Variants in TULP3 observed in about 807,000 individuals in gnomAD.
TULP3 encodes the protein TUB like protein 3, also known as tubby-related protein 3.
Under a neutral mutation model 50.7 loss-of-function variants are expected in TULP3, and 38 were observed. The ratio of observed to expected loss-of-function variants is 0.75; its 90% CI spans 0.58 to 0.98. The LOEUF (loss-of-function observed/expected upper bound fraction) is 0.98. TULP3 is among the 50% of genes least tolerant of loss of function. The probability of loss-of-function intolerance (pLI) is 0.00; values close to 1 mark genes in which losing one functional copy is unlikely to be tolerated. For synonymous variants in TULP3, 183 were observed against 196.6 expected (o/e 0.93, Z 0.58); for missense variants, 550 against 568.0 (o/e 0.97, Z 0.32).
intron 7 of TULP3, among the ~76,000 whole-genome samples, chr12:2,933,892 G>A (rs1591538144): frequency 6.6e-6 from 1 of 152,144 alleles, no homozygotes; most frequent in Non-Finnish European, 1.5e-5. Flanking sequence ...AGAGGTTGCC[G>A]TGAGCCAAGA....
intron 2 of TULP3, among the ~76,000 whole-genome samples, chr12:2,917,076 A>G (rs1354597050): frequency 6.6e-6 from 1 of 152,158 alleles, no homozygotes; most frequent in Non-Finnish European, 1.5e-5. Context: ...ACGCTAGTTA[A>G]ACCCACACCA....
chr12:2,891,787 A>G (rs2098172240), intron 1 of TULP3, among the ~76,000 whole-genome samples: 1 of 152,094 alleles, frequency 6.6e-6, no homozygotes, highest in Admixed American at 6.6e-5. Flanking sequence ...GCGCCTTGGA[A>G]CACGTCTATT....
intron 2 of TULP3, among the ~76,000 whole-genome samples, chr12:2,916,937 GTAGA>G (rs1242362488): frequency 6.6e-6 from 1 of 152,156 alleles, no homozygotes; most frequent in African/African-American, 2.4e-5. Flanking sequence ...TTGTCTGTAA[GTAGA>G]TAGAGAGAGG....
intron 2 of TULP3, among the ~76,000 whole-genome samples, chr12:2,917,458 C>T (rs1005608124): frequency 2.0e-5 from 3 of 150,106 alleles, no homozygotes; most frequent in African/African-American, 7.4e-5. Context: ...GGCAACACAG[C>T]GAGACTCTGT....
At chr12:2,920,206 T>C (rs921005983) in intron 2 of TULP3, among the ~76,000 whole-genome samples, 1 of 152,162 alleles carries the variant, frequency 6.6e-6, no homozygotes, top group African/African-American at 2.4e-5. Flanking sequence ...TTTAGTAGAC[T>C]TGGTTACAAA....
intron 1 of TULP3, among the ~76,000 whole-genome samples, chr12:2,894,250 A>C (rs2098174017): frequency 8.2e-6 from 1 of 122,248 alleles, no homozygotes; most frequent in Non-Finnish European, 1.6e-5. Flanking sequence ...ATGGTGGCTC[A>C]CACTTGTAAT....
intron 2 of TULP3, among the ~76,000 whole-genome samples, chr12:2,915,972 T>C (rs566594582): frequency 6.6e-5 from 10 of 152,304 alleles, no homozygotes; most frequent in African/African-American, 2.4e-4. Context: ...TGACTCCTTG[T>C]CTAGGAAAAT....
At chr12:2,919,436 T>G (rs1293958908) in intron 2 of TULP3, among the ~76,000 whole-genome samples, 2 of 152,154 alleles carry the variant, frequency 1.3e-5, no homozygotes, top group Non-Finnish European at 2.9e-5. Flanking sequence ...ATCAGTGTGC[T>G]CTCATCAGCC....
At chr12:2,892,178 G>A (rs2907603) in intron 1 of TULP3, among the ~76,000 whole-genome samples, 72,397 of 151,914 alleles carry the variant, frequency 0.48, 17,710 homozygotes, top group African/African-American at 0.59. Context: ...TTGTCACAAA[G>A]TTGTTGGGGG....
At chr12:2,936,941 A>T (rs2098201604) in intron 8 of TULP3, among the ~76,000 whole-genome samples, 1 of 151,410 alleles carries the variant, frequency 6.6e-6, no homozygotes, top group African/African-American at 2.4e-5. Flanking sequence ...CCCCGTCTCT[A>T]CTAAAAATAC....
In TULP3 at chr12:2,934,234, G is replaced by T. The variant is rs148553166; in HGVS notation, c.810-213G>T. ...ACTGCACTCCAGCCTGGGCGACAGA[G>T]CGAGACCCTGTCTCGAATTAGTAAG... On this transcript the variant is annotated intron_variant, in intron 7 of 10. Coordinates refer to ENST00000448120, the MANE Select transcript of TULP3 (RefSeq NM_003324.5). Among the ~76,000 whole-genome samples the T allele has an allele frequency of 3.5e-4, 53 of 152,320 alleles. No homozygotes were observed. The East Asian group carries it at 9.5e-3, about 27-fold the overall frequency.
chr12:2,910,523 G>T (rs1054077597), intron 2 of TULP3, among the ~76,000 whole-genome samples: 7 of 152,150 alleles, frequency 4.6e-5, no homozygotes, highest in Admixed American at 3.9e-4. Context: ...TCATATTCAG[G>T]TAGCTTAGAA....
Position 2,933,497 on chromosome 12 carries a change from C to T in TULP3, c.776C>T (p.Ser259Phe). Residue 259 changes from serine (S) to phenylalanine (F), a missense_variant, in exon 7 of 11, where the codon TCT becomes TTT. Ser to Phe is a radical substitution (Grantham distance 155). Coordinates refer to ENST00000448120, the MANE Select transcript of TULP3 (RefSeq NM_003324.5). ...YLISIDPVDLSREGESYVGKL... is the reference protein window; with the variant it reads ...YLISIDPVDLFREGESYVGKL... ...ATCTCCATTGATCCAGTTGATTTAT[C>T]TCGTGAAGGAGAAAGTTATGTCGGC... is the stretch of plus-strand genomic sequence containing the variant. 6.2e-7 allele frequency: 1 copy of T among 1,613,890 alleles called. No individual in the cohort carries two copies. Among genetic ancestry groups the T allele is most frequent in the East Asian group, 2.2e-5 (1 of 44,882 alleles).
intron 1 of TULP3, among the ~76,000 whole-genome samples, chr12:2,892,474 A>T (rs769892899): frequency 1.3e-5 from 2 of 151,556 alleles, no homozygotes; most frequent in Non-Finnish European, 2.9e-5. Flanking sequence ...AAAAAACGGG[A>T]TGCGGGATTG....
intron 6 of TULP3, among the ~76,000 whole-genome samples, chr12:2,932,686 T>C (rs1420176003): frequency 1.3e-5 from 2 of 151,906 alleles, no homozygotes; most frequent in South Asian, 2.1e-4. Context: ...TGGATGAACA[T>C]TGATTGTTAT....
chr12:2,908,412 G>C (rs2098183620), intron 1 of TULP3, among the ~76,000 whole-genome samples: 1 of 139,978 alleles, frequency 7.1e-6, no homozygotes, highest in Admixed American at 7.3e-5. Flanking sequence ...AATAGAAAAG[G>C]CTTCAGAGAG....
At chr12:2,934,924 AT>A (rs1338926273) in intron 8 of TULP3, among the ~76,000 whole-genome samples, 6 of 148,852 alleles carry the variant, frequency 4.0e-5, no homozygotes, top group African/African-American at 1.2e-4. Flanking sequence ...TCTTTTTCTT[AT>A]TTTTTTTCCT....
At chr12:2,937,246 C>T (rs1165880964) in intron 8 of TULP3, among the ~76,000 whole-genome samples, 3 of 98,552 alleles carry the variant, frequency 3.0e-5, no homozygotes, top group Non-Finnish European at 3.6e-5. Context: ...GGCAGAGTCT[C>T]ACTCTTGTCG....
chr12:2,891,012 T>C (rs2098171525), intron 1 of TULP3, 24 bp downstream of exon 1: 2 of 1,558,324 alleles, frequency 1.3e-6, no homozygotes, highest in South Asian at 1.2e-5. Context: ...GTGGCAGGTC[T>C]CCTCCTGAGC....
Sources: allele counts gnomAD v4.1 joint callset (sites outside exome capture counted in the v4.1 genomes callset), GRCh38; gene constraint gnomAD v4.1.1; transcripts MANE v1.5; gene names NCBI Gene and HGNC (gene_info 2026-07-23, HGNC 2026-07-21).